TYW3: variants seen among roughly 807,000 people sequenced by gnomAD.
TYW3 encodes tRNA-yW synthesizing protein 3 homolog.
A neutral mutation model predicts 23.1 loss-of-function variants in TYW3; 26 were observed. That is an observed-to-expected ratio of 1.13 (90% confidence interval 0.83 to 1.56). TYW3 has a LOEUF of 1.56. Among genes scored for constraint, TYW3 ranks in the 40% most tolerant of loss-of-function variants. TYW3 has a pLI of 0.00. For synonymous variants in TYW3, 102 were observed against 105.7 expected (o/e 0.97, Z 0.21); for missense variants, 316 against 311.9 (o/e 1.01, Z -0.10).
chr1:74,739,699 A>G (rs1648283957), intron 3 of TYW3, among the ~76,000 whole-genome samples: 1 of 152,232 alleles, frequency 6.6e-6, no homozygotes, highest in Non-Finnish European at 1.5e-5. Context: ...TTGAAGGGAC[A>G]GTTTTAAGCA....
intron 3 of TYW3, among the ~76,000 whole-genome samples, chr1:74,746,251 A>C (rs954865772): frequency 2.0e-5 from 3 of 152,272 alleles, no homozygotes; most frequent in African/African-American, 7.2e-5. Flanking sequence ...AAAGTACAGA[A>C]GAAAAAGAGA....
At chr1:74,761,073 T>C (rs1015199030) in intron 5 of TYW3, among the ~76,000 whole-genome samples, 6 of 152,146 alleles carry the variant, frequency 3.9e-5, no homozygotes, top group African/African-American at 1.2e-4. Flanking sequence ...CTTTTTTTTT[T>C]TTTTCCTTAA....
In TYW3 at chr1:74,763,950, C is replaced by G. The variant is rs751666471; in HGVS notation, c.617C>G (p.Pro206Arg). 9 of 1,608,218 alleles carry G rather than the reference C, an allele frequency of 5.6e-6. No individual in the cohort carries two copies. The highest frequency in any genetic ancestry group is 2.2e-5 in the East Asian group (1 of 44,786). Residue 206 changes from proline (P) to arginine (R), a missense_variant, in exon 6 of 6, where the codon CCC becomes CGC. By Grantham distance (103) the Pro-to-Arg change is moderately radical. Transcript: ENST00000370867. ...AGGGAAACGATGACTAACTTACATC[C>G]CAAGATCAAAGAGAAAAATAACTCA... ...LERETMTNLHPKIKEKNNSSY... is the reference protein window; with the variant it reads ...LERETMTNLHRKIKEKNNSSY...
intron 1 of TYW3, among the ~76,000 whole-genome samples, chr1:74,734,754 G>A (rs978945225): frequency 1.3e-5 from 2 of 152,162 alleles, no homozygotes; most frequent in South Asian, 2.1e-4. Flanking sequence ...TATGAACTGA[G>A]GATAATAAAA....
At chr1:74,759,205 A>G (rs543696959) in intron 5 of TYW3, among the ~76,000 whole-genome samples, 1 of 152,220 alleles carries the variant, frequency 6.6e-6, no homozygotes, top group Admixed American at 6.5e-5. Flanking sequence ...AAGAAGTAAT[A>G]GGTCCCTGAG....
chr1:74,742,542 C>T (rs1648399895), intron 3 of TYW3, among the ~76,000 whole-genome samples: 1 of 152,162 alleles, frequency 6.6e-6, no homozygotes, highest in African/African-American at 2.4e-5. Context: ...GTAGGTATTT[C>T]TAATGGGATG....
chr1:74,741,985 G>T (rs1648378895), intron 3 of TYW3, among the ~76,000 whole-genome samples: 1 of 152,202 alleles, frequency 6.6e-6, no homozygotes, highest in African/African-American at 2.4e-5. Flanking sequence ...TTGTTGCTCT[G>T]TAAGCTTTGG....
intron 3 of TYW3, among the ~76,000 whole-genome samples, chr1:74,748,489 A>G (rs889947318): frequency 5.3e-5 from 8 of 152,246 alleles, no homozygotes; most frequent in Admixed American, 2.0e-4. Flanking sequence ...AGCAATCACT[A>G]GCCAAATGTC....
At chr1:74,752,726 G>A (rs1425239333) in intron 5 of TYW3, among the ~76,000 whole-genome samples, 1 of 152,120 alleles carries the variant, frequency 6.6e-6, no homozygotes, top group Non-Finnish European at 1.5e-5. Flanking sequence ...CAGCCCAGCA[G>A]CCACAGGAAC....
At chr1:74,741,671 A>G (rs2100758664) in intron 3 of TYW3, among the ~76,000 whole-genome samples, 1 of 152,342 alleles carries the variant, frequency 6.6e-6, no homozygotes, top group East Asian at 1.9e-4. Context: ...ATTTTTGACC[A>G]AGTTGGCCAT....
intron 4 of TYW3, among the ~76,000 whole-genome samples, chr1:74,751,821 C>T (rs1156646031): frequency 2.0e-5 from 3 of 152,144 alleles, no homozygotes; most frequent in Admixed American, 6.5e-5. Context: ...AGATTGTGAA[C>T]CCTAAAGCAT....
chr1:74,750,200 C>G (rs1648732302), intron 4 of TYW3: 1 of 152,224 alleles, frequency 6.6e-6, no homozygotes, highest in Admixed American at 6.5e-5. Context: ...TGTCTCCCGA[C>G]TAGTCTTCTT....
chr1:74,765,375 G>C lies in TYW3; in HGVS notation c.*1262G>C, dbSNP rs1490914503. On this transcript the variant is annotated 3_prime_UTR_variant, in exon 6 of 6. Coordinates refer to ENST00000370867, the MANE Select transcript of TYW3 (RefSeq NM_138467.3). ...CTAAGGCAGTTTCCAGGAAAGCATG[G>C]CAACTCGTTCAGCTATGTAAGTTGA... 2 of 152,106 alleles carry C rather than the reference G, an allele frequency of 1.3e-5. No homozygotes were observed. The highest frequency in any genetic ancestry group is 4.8e-5 in the African/African-American group (2 of 41,442). 9.4% of individuals were successfully genotyped at this position (152,106 alleles called of 1,614,324 possible).
chr1:74,740,573 G>A (rs1648316969), intron 3 of TYW3, among the ~76,000 whole-genome samples: 1 of 152,198 alleles, frequency 6.6e-6, no homozygotes, highest in Non-Finnish European at 1.5e-5. Flanking sequence ...GCAGATTGGT[G>A]CATTTACAAT....
intron 3 of TYW3, among the ~76,000 whole-genome samples, chr1:74,747,744 CAT>C (rs199716062): frequency 0.046 from 7,002 of 150,748 alleles, 196 homozygotes; most frequent in East Asian, 0.075. Context: ...TATACACACA[CAT>C]ATATGTATAT....
chr1:74,751,735 T>A (rs1257704092), intron 4 of TYW3, among the ~76,000 whole-genome samples: 1 of 152,088 alleles, frequency 6.6e-6, no homozygotes, highest in African/African-American at 2.4e-5. Flanking sequence ...ATAGACCTTG[T>A]ATGGTTGTTC....
intron 3 of TYW3, among the ~76,000 whole-genome samples, chr1:74,740,253 C>T (rs1014772363): frequency 6.6e-6 from 1 of 152,152 alleles, no homozygotes. Flanking sequence ...AGTGTTACAG[C>T]TCTTAAAGGT....
At chr1:74,754,445 G>A (rs1648886864) in intron 5 of TYW3, among the ~76,000 whole-genome samples, 1 of 152,132 alleles carries the variant, frequency 6.6e-6, no homozygotes, top group South Asian at 2.1e-4. Context: ...TAGAAAGTGA[G>A]AACAAATTAA....
At chr1:74,741,179 A>G (rs1254755582) in intron 3 of TYW3, among the ~76,000 whole-genome samples, 1 of 152,224 alleles carries the variant, frequency 6.6e-6, no homozygotes, top group Admixed American at 6.5e-5. Flanking sequence ...ATGATGAAAT[A>G]GTAAAAGGAT....
Sources: allele counts gnomAD v4.1 joint callset (sites outside exome capture counted in the v4.1 genomes callset), GRCh38; gene constraint gnomAD v4.1.1; transcripts MANE v1.5; gene names NCBI Gene and HGNC (gene_info 2026-07-23, HGNC 2026-07-21).